The following TAOK1 variants were observed in gnomAD, a reference collection of about 807,000 sequenced individuals.
TAOK1 encodes TAO kinase 1.
In TAOK1, 21 loss-of-function variants were observed where a neutral mutation model predicts 138.3. That is an observed-to-expected ratio of 0.15 (90% confidence interval 0.11 to 0.22). The LOEUF is 0.22. Ranked by LOEUF, TAOK1 falls within the 10% of genes least tolerant of loss-of-function variation. TAOK1 has a pLI of 1.00. For missense variants in TAOK1, 651 were observed against 1,227.7 expected (o/e 0.53, Z 7.02); for synonymous variants, 361 against 398.4 (o/e 0.91, Z 1.12).
chr17:29,526,271 GCAAAACTCCA>G (rs2032008170), intron 17 of TAOK1, among the ~76,000 whole-genome samples: 1 of 151,898 alleles, frequency 6.6e-6, no homozygotes, highest in Admixed American at 6.6e-5. Context: ...GGCAACAAGG[GCAAAACTCCA>G]TCTCAACAAA....
intron 1 of TAOK1, among the ~76,000 whole-genome samples, chr17:29,400,723 G>A (rs1161604338): frequency 6.6e-6 from 1 of 152,046 alleles, no homozygotes; most frequent in Non-Finnish European, 1.5e-5. Context: ...AGGAAAGCAA[G>A]GACTTTCCCA....
chr17:29,544,063 T>C lies in TAOK1; in HGVS notation c.*1041T>C, dbSNP rs557482787. 1 of 152,744 alleles carries C rather than the reference T, an allele frequency of 6.5e-6. No individual in the cohort carries two copies. The highest frequency in any genetic ancestry group is 2.1e-4 in the South Asian group (1 of 4,830). 9.5% of individuals were successfully genotyped at this position (152,744 alleles called of 1,614,324 possible). ...TACAAAAACAAAGACATATAGCCAA[T>C]ACAAATCAAATGCCGGAGGTGTTTG... is the stretch of plus-strand genomic sequence containing the variant. On this transcript the variant is annotated 3_prime_UTR_variant, in exon 20 of 20. Coordinates refer to ENST00000261716, the MANE Select transcript of TAOK1 (RefSeq NM_020791.4).
chr17:29,525,783 T>C (rs2031999477), intron 17 of TAOK1, among the ~76,000 whole-genome samples: 1 of 152,184 alleles, frequency 6.6e-6, no homozygotes, highest in South Asian at 2.1e-4. Context: ...AGGCAGGGGA[T>C]CATGAGGTCA....
At chr17:29,485,553 C>T (rs139033245) in intron 8 of TAOK1, among the ~76,000 whole-genome samples, 144 of 152,216 alleles carry the variant, frequency 9.5e-4, no homozygotes, top group African/African-American at 3.3e-3. Context: ...GTGGACGACC[C>T]CCTTTAGCCC....
chr17:29,489,869 G>C (rs1407282248), intron 9 of TAOK1, 112 bp downstream of exon 9: 1 of 619,676 alleles, frequency 1.6e-6, no homozygotes, highest in East Asian at 3.3e-5. Context: ...CACCTTATAA[G>C]ATATTAAAAT....
At chr17:29,435,570 C>T (rs1443370525) in intron 1 of TAOK1, among the ~76,000 whole-genome samples, 1 of 152,126 alleles carries the variant, frequency 6.6e-6, no homozygotes, top group Non-Finnish European at 1.5e-5. Context: ...ACTTGGAGCT[C>T]CTAGAACCTG....
At chr17:29,394,937 C>A (rs1484568533) in intron 1 of TAOK1, among the ~76,000 whole-genome samples, 1 of 150,028 alleles carries the variant, frequency 6.7e-6, no homozygotes, top group South Asian at 2.1e-4. Context: ...TCTACAAAAA[C>A]AAATTTTTTT....
At position 29,404,329 on chromosome 17, in the gene TAOK1, A is replaced by G. The variant is rs1436987455; in HGVS notation, c.-95+13305A>G. Among the ~76,000 whole-genome samples the G allele has an allele frequency of 2.0e-5, 3 of 152,020 alleles. No individual in the cohort carries two copies. In the East Asian group the frequency reaches 5.8e-4, roughly 29 times the overall value. ...AGCCCTGTGCTACCACACCCAGCGA[A>G]TTTTTTGTATTTTTAGTAGAGACGG... is the stretch of plus-strand genomic sequence containing the variant. On this transcript the variant is annotated intron_variant, in intron 1 of 19. Coordinates refer to ENST00000261716, the MANE Select transcript of TAOK1 (RefSeq NM_020791.4).
rs2030404585 is a variant in TAOK1 at position 29,457,214 on chromosome 17, C to T, written c.132+5534C>T. On this transcript the variant is annotated intron_variant, in intron 2 of 19. Transcript: ENST00000261716. ...TCCTGGGTTCAAGCACCCCTCCCAC[C>T]TCAGCCTTCCAAGTAGATGGGAATA... Among the ~76,000 whole-genome samples, 2 of 147,872 alleles carry T rather than the reference C, an allele frequency of 1.4e-5. 1 individual carries two copies. The highest frequency in any genetic ancestry group is 1.3e-4 in the Admixed American group (2 of 15,052).
chr17:29,453,114 T>C (rs970172863), intron 2 of TAOK1, among the ~76,000 whole-genome samples: 15 of 151,464 alleles, frequency 9.9e-5, no homozygotes, highest in African/African-American at 3.6e-4. Context: ...GGATACTTCA[T>C]AAAAAAGAAA....
chr17:29,484,018 A>G (rs1008979576), intron 8 of TAOK1, among the ~76,000 whole-genome samples: 8 of 152,162 alleles, frequency 5.3e-5, no homozygotes, highest in African/African-American at 1.9e-4. Flanking sequence ...TGGACCTGCT[A>G]GATTTCATTG....
chr17:29,515,699 C>T (rs986575808), intron 15 of TAOK1, among the ~76,000 whole-genome samples: 1 of 151,650 alleles, frequency 6.6e-6, no homozygotes. Context: ...GCTGGGCATG[C>T]TGGCAGATGC....
At chr17:29,467,563 C>T (rs1354286819) in intron 3 of TAOK1, among the ~76,000 whole-genome samples, 8 of 152,130 alleles carry the variant, frequency 5.3e-5, no homozygotes, top group East Asian at 3.9e-4. Context: ...TGAGCCACCG[C>T]GCCCGGCCAA....
At chr17:29,470,595 T>C (rs965828759) in intron 3 of TAOK1, among the ~76,000 whole-genome samples, 1 of 152,180 alleles carries the variant, frequency 6.6e-6, no homozygotes, top group African/African-American at 2.4e-5. Context: ...TATATAGTTA[T>C]CAACATGATT....
intron 1 of TAOK1, among the ~76,000 whole-genome samples, chr17:29,428,270 G>T (rs1905712174): frequency 6.6e-6 from 1 of 152,178 alleles, no homozygotes. Flanking sequence ...TTCTTTACAG[G>T]TGTACAGAAT....
At chr17:29,450,845 T>C (rs2030213808) in intron 1 of TAOK1, among the ~76,000 whole-genome samples, 1 of 152,180 alleles carries the variant, frequency 6.6e-6, no homozygotes, top group Non-Finnish European at 1.5e-5. Flanking sequence ...CTGGGTAATC[T>C]GATATAAAGG....
At chr17:29,518,056 A>G (rs989032630) in intron 16 of TAOK1, among the ~76,000 whole-genome samples, 1 of 152,130 alleles carries the variant, frequency 6.6e-6, no homozygotes, top group Non-Finnish European at 1.5e-5. Context: ...GGCTTTCGCC[A>G]TGTTGGCCAG....
chr17:29,402,245 C>T (rs1258958308), intron 1 of TAOK1, among the ~76,000 whole-genome samples: 1 of 152,138 alleles, frequency 6.6e-6, no homozygotes, highest in Admixed American at 6.6e-5. Context: ...TATCTAATGT[C>T]ACACACTATG....
At position 29,482,741 on chromosome 17, in the gene TAOK1, TA is replaced by T. The variant is rs1035863690; in HGVS notation, c.655+454del. On this transcript the variant is annotated intron_variant, in intron 8 of 19. Coordinates refer to ENST00000261716, the MANE Select transcript of TAOK1 (RefSeq NM_020791.4). ...ACAGTTTGATATATATATATATACA[TA>T]TTTTTTTTTTTTAAGACGGTAAGGC... Among the ~76,000 whole-genome samples, 215 of 151,686 alleles carry T rather than the reference TA, an allele frequency of 1.4e-3. 1 individual carries two copies. The South Asian group carries it at 0.019, about 13-fold the overall frequency.
Sources: allele counts gnomAD v4.1 joint callset (sites outside exome capture counted in the v4.1 genomes callset), GRCh38; gene constraint gnomAD v4.1.1; transcripts MANE v1.5; gene names NCBI Gene and HGNC (gene_info 2026-07-23, HGNC 2026-07-21).